The following C17orf99 variants were observed in gnomAD, a reference collection of about 807,000 sequenced individuals.
The protein encoded by C17orf99 is chromosome 17 open reading frame 99, also known as protein IL-40.
C17orf99 carries 18 observed loss-of-function variants against 22.6 expected under a neutral mutation model. The observed-to-expected ratio is 0.80, with a 90% CI of 0.55 to 1.18. The LOEUF is 1.18. Ranked by LOEUF, C17orf99 falls within the 50% of genes most tolerant of loss-of-function variation. The probability of loss-of-function intolerance (pLI) is 0.00; values close to 1 mark genes in which losing one functional copy is unlikely to be tolerated. For missense variants in C17orf99, 328 were observed against 342.7 expected (o/e 0.96, Z 0.34); for synonymous variants, 147 against 136.6 (o/e 1.08, Z -0.53).
chr17:78,161,381 G>A (rs764960230), intron 3 of C17orf99, 127 bp downstream of exon 3: 17 of 817,612 alleles, frequency 2.1e-5, no homozygotes, highest in Non-Finnish European at 2.8e-5. Context: ...TGTGGACAAG[G>A]ACAGGCTGCC....
chr17:78,160,967 T>G lies in C17orf99; in HGVS notation c.83T>G (p.Val28Gly). The change falls in exon 3 of 5, where the codon GTG becomes GGG. Residue 28 changes from valine (V) to glycine (G), a missense_variant. Coordinates refer to ENST00000340363, the MANE Select transcript of C17orf99 (RefSeq NM_001163075.2). ...SKAREEEITP[V>G]VSIAYKVLEV... ...TTTCATCTCCCAGAAATTACCCCTGTGGTCTCCATTGCCTACAAAGTCCTG... is the reference window on the plus strand; with the variant it reads ...TTTCATCTCCCAGAAATTACCCCTGGGGTCTCCATTGCCTACAAAGTCCTG... 1.9e-6 allele frequency: 3 copies of G among 1,550,744 alleles called. No individual in the cohort carries two copies. In the Admixed American group the frequency reaches 5.9e-5, roughly 30 times the overall value.
chr17:78,148,834 A>G (rs1192355576), intron 2 of C17orf99, among the ~76,000 whole-genome samples: 11 of 152,090 alleles, frequency 7.2e-5, no homozygotes, highest in Non-Finnish European at 1.5e-5. Flanking sequence ...ACGCAATCTG[A>G]TTTACCCTTG....
chr17:78,165,168 CCACA>C (rs1334560847), intron 4 of C17orf99: 1 of 1,001,184 alleles, frequency 1.0e-6, no homozygotes. Context: ...AGTGCAGGCA[CCACA>C]GGCCTGTGTG....
chr17:78,164,806 C>A, intron 4 of C17orf99: 1 of 1,236,748 alleles, frequency 8.1e-7, no homozygotes, highest in Non-Finnish European at 1.0e-6. Context: ...TCACCGCTTA[C>A]GCATGACTCG....
At position 78,146,507 on chromosome 17, in the gene C17orf99, TG is replaced by T; in HGVS notation, c.37+68del. ...GGGGCCTTGAGGTCTTGGGCTCAGG[TG>T]GGGGTACTGGGAGCACAGGAGAGAT... On this transcript the variant is annotated intron_variant, in intron 1 of 4. Transcript: ENST00000340363. The surrounding 1 kb of genome is among the most constrained non-coding windows in gnomAD (Gnocchi z 5.2). 2.1e-6 allele frequency: 3 copies of T among 1,433,456 alleles called. No homozygotes were observed. The highest frequency in any genetic ancestry group is 9.6e-7 in the Non-Finnish European group (1 of 1,045,542). 88.8% of individuals were successfully genotyped at this position (1,433,456 alleles called of 1,614,324 possible).
intron 2 of C17orf99, among the ~76,000 whole-genome samples, chr17:78,154,888 GA>G (rs1396303223): frequency 6.6e-6 from 1 of 152,052 alleles, no homozygotes; most frequent in Non-Finnish European, 1.5e-5. Flanking sequence ...GAGTTATCAT[GA>G]AATTTTCAAA....
At chr17:78,146,248 G>A, upstream of C17orf99, 1 of 602,568 alleles carries the variant, frequency 1.7e-6, no homozygotes, top group Non-Finnish European at 2.9e-6. The surrounding 1 kb of genome is among the most constrained non-coding windows in gnomAD (Gnocchi z 5.2). Flanking sequence ...GGCTCTCTGG[G>A]CCCCGCCCTG....
Position 78,161,096 on chromosome 17 carries a change from C to T in C17orf99, c.212C>T (p.Ala71Val), listed in dbSNP as rs1426859136. Residue 71 changes from alanine (A) to valine (V), a missense_variant, in exon 3 of 5, where the codon GCC becomes GTC. Transcript: ENST00000340363. ...TGTGGAACCAAGAACATCAAGGTGG[C>T]CAAGAAGGTGGTGAAGACCCACGAG... Reference protein sequence around the residue: ...SLCGTKNIKVAKKVVKTHEPA... With the variant: ...SLCGTKNIKVVKKVVKTHEPA... 1 of 1,551,732 alleles carries T rather than the reference C, an allele frequency of 6.4e-7. No individual in the cohort carries two copies. The highest frequency in any genetic ancestry group is 1.2e-5 in the South Asian group (1 of 84,058).
chr17:78,145,723 C>T (rs2075432675), upstream of C17orf99, among the ~76,000 whole-genome samples: 1 of 151,930 alleles, frequency 6.6e-6, no homozygotes, highest in Non-Finnish European at 1.5e-5. Flanking sequence ...AATGAGAAGA[C>T]TCACAGCCTT....
Position 78,166,117 on chromosome 17 carries a change from G to T in C17orf99, c.*71G>T. The T allele has an allele frequency of 1.3e-5, 4 of 302,708 alleles. No homozygotes were observed. Among genetic ancestry groups the T allele is most frequent in the Non-Finnish European group, 1.7e-5 (3 of 181,242 alleles). The allele number at this position is 302,708 out of a possible 1,614,324, so 18.8% of individuals were successfully genotyped here. A position where few individuals can be genotyped will look rare whatever the true frequency, so the allele number is the denominator to read the frequency against. ...TCAGCGTGCACTGTTCGTATTTGGAGTTCATGCAAAATGAGTGTGTTTTAG... is the reference window on the plus strand; with the variant it reads ...TCAGCGTGCACTGTTCGTATTTGGATTTCATGCAAAATGAGTGTGTTTTAG... On this transcript the variant is annotated 3_prime_UTR_variant, in exon 5 of 5. Coordinates refer to ENST00000340363, the MANE Select transcript of C17orf99 (RefSeq NM_001163075.2).
chr17:78,161,839 A>C (rs1322551151), intron 3 of C17orf99, among the ~76,000 whole-genome samples: 4 of 148,970 alleles, frequency 2.7e-5, no homozygotes, highest in Admixed American at 2.7e-4. Context: ...GCGTCTCCAA[A>C]AAAAAAAAAA....
At chr17:78,163,682 A>T (rs1287499178) in intron 3 of C17orf99, among the ~76,000 whole-genome samples, 1 of 152,172 alleles carries the variant, frequency 6.6e-6, no homozygotes. Context: ...CCTGGCCAAC[A>T]TGGTGAAACC....
Position 78,146,763 on chromosome 17 carries a change from C to A in C17orf99, c.38-116C>A. 1 of 1,017,656 alleles carries A rather than the reference C, an allele frequency of 9.8e-7. No homozygotes were observed. The highest frequency in any genetic ancestry group is 1.5e-6 in the Non-Finnish European group (1 of 669,466). 63.0% of individuals were successfully genotyped at this position (1,017,656 alleles called of 1,614,324 possible). A position where few individuals can be genotyped will look rare whatever the true frequency, so the allele number is the denominator to read the frequency against. Reference sequence around the variant, plus strand: ...TGGTGCCAGCTGAGTCCTGGGGCCTCACTACCAAGAATCAGCCTGCTCCTC... The same window carrying A: ...TGGTGCCAGCTGAGTCCTGGGGCCTAACTACCAAGAATCAGCCTGCTCCTC... On this transcript the variant is annotated intron_variant, in intron 1 of 4. Coordinates refer to ENST00000340363, the MANE Select transcript of C17orf99 (RefSeq NM_001163075.2). The surrounding 1 kb of genome is among the most constrained non-coding windows in gnomAD (Gnocchi z 5.2).
At position 78,146,899 on chromosome 17, in the gene C17orf99, G is replaced by C. The variant is rs755006670; in HGVS notation, c.58G>C (p.Ala20Pro). The C allele has an allele frequency of 6.4e-7, 1 of 1,551,504 alleles. No homozygotes were observed. The highest frequency in any genetic ancestry group is 1.2e-5 in the South Asian group (1 of 84,054). Residue 20 changes from alanine to proline, a missense_variant, in exon 2 of 5, where the codon GCA becomes CCA. Coordinates refer to ENST00000340363, the MANE Select transcript of C17orf99 (RefSeq NM_001163075.2). The surrounding 1 kb of genome is among the most constrained non-coding windows in gnomAD (Gnocchi z 5.2). ...AVLAASSFSKAREEEITPVVS... is the reference protein window; with the variant it reads ...AVLAASSFSKPREEEITPVVS... ...TACAGCTGCCAGCAGCTTCTCCAAGGCACGGGAGGAAGGTAAGTGGCATAG... is the reference window on the plus strand; with the variant it reads ...TACAGCTGCCAGCAGCTTCTCCAAGCCACGGGAGGAAGGTAAGTGGCATAG...
At chr17:78,153,676 C>T (rs73375770) in intron 2 of C17orf99, among the ~76,000 whole-genome samples, 1,839 of 152,114 alleles carry the variant, frequency 0.012, 40 homozygotes, top group African/African-American at 0.042. Context: ...AAAGGGTGAT[C>T]GCGTGTCAGC....
intron 2 of C17orf99, chr17:78,157,382 T>G: frequency 9.5e-6 from 11 of 1,153,130 alleles, no homozygotes; most frequent in South Asian, 1.3e-5. Flanking sequence ...TGGACAGGGT[T>G]GAGTCAGTGA....
At position 78,157,881 on chromosome 17, in the gene C17orf99, C is replaced by T. The variant is rs1248896811; in HGVS notation, c.71-3074C>T. Reference sequence around the variant, plus strand: ...CGTAAGATCGTCGAGATGTCTACTTCGATGACTGGCAAGCACGGCCATGCC... The same window carrying T: ...CGTAAGATCGTCGAGATGTCTACTTTGATGACTGGCAAGCACGGCCATGCC... On this transcript the variant is annotated intron_variant, in intron 2 of 4. Coordinates refer to ENST00000340363, the MANE Select transcript of C17orf99 (RefSeq NM_001163075.2). 1.4e-5 allele frequency: 16 copies of T among 1,130,702 alleles called. 1 individual carries two copies. Among genetic ancestry groups the T allele is most frequent in the South Asian group, 1.2e-4 (10 of 82,948 alleles). 70.0% of individuals were successfully genotyped at this position (1,130,702 alleles called of 1,614,324 possible).
In C17orf99 at chr17:78,146,907, G is replaced by A. The variant is rs1267871201; in HGVS notation, c.66G>A (p.Glu22=). ...CCAGCAGCTTCTCCAAGGCACGGGAGGAAGGTAAGTGGCATAGCCTGCTGC... is the reference window on the plus strand; with the variant it reads ...CCAGCAGCTTCTCCAAGGCACGGGAAGAAGGTAAGTGGCATAGCCTGCTGC... ...LAASSFSKAR[E]EEITPVVSIA... Residue 22 remains glutamate, a synonymous_variant, in exon 2 of 5, where the codon GAG becomes GAA. Transcript: ENST00000340363. The surrounding 1 kb of genome is among the most constrained non-coding windows in gnomAD (Gnocchi z 5.2). The A allele has an allele frequency of 6.4e-7, 1 of 1,551,542 alleles. No individual in the cohort carries two copies. The highest frequency in any genetic ancestry group is 1.2e-5 in the South Asian group (1 of 84,060).
intron 2 of C17orf99, among the ~76,000 whole-genome samples, chr17:78,152,280 A>C (rs2075489967): frequency 6.8e-6 from 1 of 147,614 alleles, no homozygotes; most frequent in Non-Finnish European, 1.5e-5. Context: ...CTGGGCTCAA[A>C]CATCCTCCCA....
Sources: gnomAD v4.1 joint callset for allele counts (sites outside exome capture counted in the v4.1 genomes callset) on GRCh38, gnomAD v4.1.1 for gene constraint, Gnocchi (gnomAD v3.1) non-coding constraint, MANE v1.5 for transcripts, NCBI Gene and HGNC (gene_info 2026-07-23, HGNC 2026-07-21) for gene names.